Variants in CFAP77 observed in about 807,000 individuals in gnomAD.
CFAP77 encodes the protein cilia and flagella associated protein 77.
A neutral mutation model predicts 31.1 loss-of-function variants in CFAP77; 25 were observed. The observed-to-expected ratio is 0.80, with a 90% CI of 0.59 to 1.12. The LOEUF is 1.12. Among genes scored for constraint, CFAP77 ranks in the 50% most tolerant of loss-of-function variants. The pLI is 0.00. For missense variants in CFAP77, 377 were observed against 397.3 expected, an observed-to-expected ratio of 0.95 and a Z score of 0.44; for synonymous variants, 151 against 159.9, an observed-to-expected ratio of 0.94 and a Z score of 0.42.
intron 3 of CFAP77, among the ~76,000 whole-genome samples, chr9:132,504,573 A>G (rs1012539822): frequency 1.7e-4 from 26 of 152,262 alleles, no homozygotes; most frequent in African/African-American, 6.0e-4. Flanking sequence ...TGCTGTTAGC[A>G]GCAAATATCG....
At chr9:132,486,856 G>A (rs1851569008) in intron 1 of CFAP77, among the ~76,000 whole-genome samples, 2 of 152,404 alleles carry the variant, frequency 1.3e-5, no homozygotes, top group East Asian at 3.9e-4. Context: ...GGGAGGGGAG[G>A]GAACGGTGGG....
At chr9:132,487,963 C>T (rs930860490) in intron 1 of CFAP77, among the ~76,000 whole-genome samples, 1 of 151,894 alleles carries the variant, frequency 6.6e-6, no homozygotes, top group African/African-American at 2.4e-5. Flanking sequence ...TAATGAACTA[C>T]CCCCCCATGA....
chr9:132,455,168 A>G lies in CFAP77; in HGVS notation c.196-43527A>G, dbSNP rs530416142. Among the ~76,000 whole-genome samples, 32 of 152,242 alleles carry G rather than the reference A, an allele frequency of 2.1e-4. No individual in the cohort carries two copies. The South Asian group carries it at 6.0e-3, about 29-fold the overall frequency. On this transcript the variant is annotated intron_variant, in intron 1 of 5. Transcript: ENST00000393216. The surrounding 1 kb of genome is among the most constrained non-coding windows in gnomAD (Gnocchi z 4.1). The stretch of plus-strand genomic sequence containing the variant: ...CTGGGACCTTGTTGATGGCAATACC[A>G]TCTGTCATTGCAGCAGAGCCCAGTA...
At chr9:132,537,756 G>A in intron 4 of CFAP77, 50 bp downstream of exon 4, 1 of 1,430,972 alleles carries the variant, frequency 7.0e-7, no homozygotes, top group East Asian at 2.3e-5. Flanking sequence ...GTGGAGAAGA[G>A]AGAAGGGCTG....
At chr9:132,437,654 C>CAT (rs1468105523) in intron 1 of CFAP77, among the ~76,000 whole-genome samples, 5 of 151,518 alleles carry the variant, frequency 3.3e-5, no homozygotes, top group Non-Finnish European at 5.9e-5. Context: ...GGACTACAGG[C>CAT]GCCCGCCAGC....
intron 1 of CFAP77, among the ~76,000 whole-genome samples, chr9:132,460,043 A>G (rs482260): frequency 0.37 from 55,844 of 152,014 alleles, 11,205 homozygotes; most frequent in African/African-American, 0.55. Flanking sequence ...CATGCAGGGC[A>G]TCGCACCCTG....
chr9:132,568,342 G>A (rs1405218505), intron 5 of CFAP77, among the ~76,000 whole-genome samples: 1 of 151,850 alleles, frequency 6.6e-6, no homozygotes, highest in Admixed American at 6.6e-5. Flanking sequence ...ATCACCTGAG[G>A]TCAAGAGTTC....
intron 5 of CFAP77, among the ~76,000 whole-genome samples, chr9:132,568,736 G>A (rs1829919436): frequency 1.3e-5 from 2 of 152,178 alleles, no homozygotes; most frequent in African/African-American, 2.4e-5. Context: ...CAGAGTCTCT[G>A]TCCCATAGTC....
chr9:132,536,390 TC>T (rs1347061060), intron 3 of CFAP77, among the ~76,000 whole-genome samples: 9 of 139,884 alleles, frequency 6.4e-5, no homozygotes, highest in Non-Finnish European at 1.3e-4. Context: ...GGCTCATAGT[TC>T]TTTTTTTTTT....
intron 1 of CFAP77, among the ~76,000 whole-genome samples, chr9:132,459,910 G>A (rs1253438445): frequency 1.3e-5 from 2 of 151,618 alleles, no homozygotes; most frequent in East Asian, 1.9e-4. Flanking sequence ...TAGTGTGTGA[G>A]TGTGAGTTTG....
chr9:132,427,751 G>T (rs753382143), intron 1 of CFAP77, among the ~76,000 whole-genome samples: 16 of 152,192 alleles, frequency 1.1e-4, no homozygotes, highest in Non-Finnish European at 1.2e-4. Flanking sequence ...CCCTCATTAT[G>T]TTCCCATGAC....
chr9:132,410,384 T>C lies in CFAP77; in HGVS notation c.113T>C (p.Val38Ala). 1 of 1,600,538 alleles carries C rather than the reference T, an allele frequency of 6.2e-7. No individual in the cohort carries two copies. The highest frequency in any genetic ancestry group is 2.3e-5 in the East Asian group (1 of 43,264). ...VCPPPRRPLT[V>A]ADIRSGMENE... ...CCGCCCCCGCGGCGGCCCCTGACCG[T>C]GGCGGACATCCGTTCCGGCATGGAG... Residue 38 changes from valine to alanine, a missense_variant, in exon 1 of 6, where the codon GTG (valine) becomes GCG (alanine). By Grantham distance (64) the Val-to-Ala change is moderately conservative. Coordinates refer to ENST00000393216, the MANE Select transcript of CFAP77 (RefSeq NM_001282957.2).
intron 5 of CFAP77, among the ~76,000 whole-genome samples, chr9:132,559,346 C>CAAAAAAAAAAAAAAAAAAA (rs35737685): frequency 0.041 from 2,310 of 56,006 alleles, 179 homozygotes; most frequent in Non-Finnish European, 0.058. Context: ...CTCTGTCTTG[C>CAAAAAAAAAAAAAAAAAAA]AAAAAAAAAA....
intron 1 of CFAP77, among the ~76,000 whole-genome samples, chr9:132,428,488 A>C (rs894422037): frequency 6.6e-6 from 1 of 152,074 alleles, no homozygotes; most frequent in Non-Finnish European, 1.5e-5. Context: ...GGTGGTGGAC[A>C]CCTGTAATCC....
intron 3 of CFAP77, among the ~76,000 whole-genome samples, chr9:132,505,207 C>A (rs1051561140): frequency 2.6e-5 from 4 of 152,226 alleles, no homozygotes; most frequent in African/African-American, 9.6e-5. Context: ...CCCCAACCCC[C>A]ATCCATGTCT....
At chr9:132,557,707 TCA>T (rs892535854) in intron 5 of CFAP77, among the ~76,000 whole-genome samples, 3 of 152,174 alleles carry the variant, frequency 2.0e-5, no homozygotes, top group African/African-American at 7.2e-5. Context: ...ACTTGGTAAC[TCA>T]CAAGGCTGCC....
chr9:132,569,893 A>G (rs1186809872), intron 5 of CFAP77, among the ~76,000 whole-genome samples: 4 of 150,854 alleles, frequency 2.7e-5, no homozygotes, highest in Non-Finnish European at 5.9e-5. Flanking sequence ...CCACCACCAC[A>G]CCCAGCTAAT....
At chr9:132,519,336 A>G (rs796501230) in intron 3 of CFAP77, among the ~76,000 whole-genome samples, 242 of 1,566 alleles carry the variant, frequency 0.15, no homozygotes, top group Non-Finnish European at 0.16. Flanking sequence ...GGATGGATGG[A>G]TGGGTGGGTG....
At chr9:132,544,164 T>A (rs1469556598) in intron 5 of CFAP77, among the ~76,000 whole-genome samples, 1 of 152,070 alleles carries the variant, frequency 6.6e-6, no homozygotes, top group East Asian at 1.9e-4. Flanking sequence ...CTGCCCCCCC[T>A]TGACGCGGCC....
Sources: allele counts gnomAD v4.1 joint callset (sites outside exome capture counted in the v4.1 genomes callset), GRCh38; gene constraint gnomAD v4.1.1; non-coding constraint Gnocchi (gnomAD v3.1); transcripts MANE v1.5; gene names NCBI Gene and HGNC (gene_info 2026-07-23, HGNC 2026-07-21).